PPME1: variants seen among roughly 807,000 people sequenced by gnomAD.
The protein encoded by PPME1 is testicular secretory protein Li 39.
Under a neutral mutation model 56.9 loss-of-function variants are expected in PPME1, and 17 were observed. The observed-to-expected ratio is 0.30, with a 90% CI of 0.20 to 0.45. The LOEUF is 0.45. Ranked by LOEUF, PPME1 falls within the 20% of genes least tolerant of loss-of-function variation. The pLI, the probability that PPME1 is intolerant of heterozygous loss-of-function variation, is 1.00. For missense variants in PPME1, 357 were observed against 483.2 expected (o/e 0.74, Z 2.45); for synonymous variants, 122 against 156.2 (o/e 0.78, Z 1.63).
chr11:74,201,220 C>T (rs1858155826), intron 1 of PPME1, among the ~76,000 whole-genome samples: 1 of 152,124 alleles, frequency 6.6e-6, no homozygotes, highest in Non-Finnish European at 1.5e-5. Context: ...CGTGATCTGC[C>T]CGCCTCGGCC....
intron 1 of PPME1, among the ~76,000 whole-genome samples, chr11:74,192,584 G>A (rs1198410201): frequency 2.0e-5 from 3 of 152,164 alleles, no homozygotes; most frequent in Non-Finnish European, 4.4e-5. Context: ...ATCTCGTGTT[G>A]AAATGTAATC....
chr11:74,192,683 G>A (rs542883884), intron 1 of PPME1, among the ~76,000 whole-genome samples: 3 of 152,124 alleles, frequency 2.0e-5, no homozygotes, highest in African/African-American at 7.2e-5. Flanking sequence ...CCTTGGTAAT[G>A]AGTGAGTTCT....
chr11:74,253,451 T>G lies in PPME1; in HGVS notation c.1143-41T>G, dbSNP rs372580334. The G allele has an allele frequency of 7.6e-6, 12 of 1,581,946 alleles. No homozygotes were observed. In the East Asian group the frequency reaches 2.7e-4, roughly 35 times the overall value. ...CAGATAAGCAAGGGAAAGCTATTGATAGTTACATTTGTTTTTCCTTCTCTT... is the reference window on the plus strand; with the variant it reads ...CAGATAAGCAAGGGAAAGCTATTGAGAGTTACATTTGTTTTTCCTTCTCTT... On this transcript the variant is annotated intron_variant, in intron 13 of 13. Coordinates refer to ENST00000328257, the MANE Select transcript of PPME1 (RefSeq NM_016147.3).
At chr11:74,212,200 A>C (rs984220269) in intron 3 of PPME1, among the ~76,000 whole-genome samples, 3 of 152,134 alleles carry the variant, frequency 2.0e-5, no homozygotes, top group Non-Finnish European at 4.4e-5. Flanking sequence ...TGTGGGAGGG[A>C]GAGCACAGTG....
intron 3 of PPME1, among the ~76,000 whole-genome samples, chr11:74,209,733 G>A (rs1858424406): frequency 6.6e-6 from 1 of 152,134 alleles, no homozygotes; most frequent in African/African-American, 2.4e-5. Context: ...ACATCTTATG[G>A]AGTATTAATT....
At chr11:74,176,338 G>C (rs1857399341) in intron 1 of PPME1, among the ~76,000 whole-genome samples, 1 of 151,972 alleles carries the variant, frequency 6.6e-6, no homozygotes. Context: ...GCTTTAATGA[G>C]CTATTCACAC....
chr11:74,202,620 C>T (rs1215944442), intron 1 of PPME1, among the ~76,000 whole-genome samples: 1 of 152,142 alleles, frequency 6.6e-6, no homozygotes, highest in Non-Finnish European at 1.5e-5. Flanking sequence ...TCCTCCATTA[C>T]TAGGAAGAAG....
chr11:74,203,625 C>T (rs1031747345), intron 1 of PPME1, 103 bp from the exon 2 acceptor site: 2 of 723,922 alleles, frequency 2.8e-6, no homozygotes, highest in Non-Finnish European at 4.5e-6. Context: ...GAGAAAATAC[C>T]TTTGCTGTTT....
intron 3 of PPME1, among the ~76,000 whole-genome samples, chr11:74,207,258 C>A (rs974329711): frequency 6.6e-6 from 1 of 152,204 alleles, no homozygotes; most frequent in Non-Finnish European, 1.5e-5. Flanking sequence ...CAAGTTCCTT[C>A]TTGTCCATAA....
chr11:74,191,216 A>G (rs1192597375), intron 1 of PPME1, among the ~76,000 whole-genome samples: 1 of 152,222 alleles, frequency 6.6e-6, no homozygotes, highest in Admixed American at 6.5e-5. Flanking sequence ...GGTATATGCC[A>G]GTAGTCCCAG....
intron 4 of PPME1, among the ~76,000 whole-genome samples, chr11:74,223,889 A>G (rs1371213694): frequency 1.3e-5 from 2 of 149,362 alleles, no homozygotes; most frequent in African/African-American, 4.9e-5. Context: ...CCCATTTTGT[A>G]GGTTGCCTGT....
intron 1 of PPME1, among the ~76,000 whole-genome samples, chr11:74,194,269 C>T (rs998203510): frequency 6.6e-6 from 1 of 152,006 alleles, no homozygotes; most frequent in African/African-American, 2.4e-5. Flanking sequence ...TTTCACTGAG[C>T]TTATGATTCT....
intron 1 of PPME1, among the ~76,000 whole-genome samples, chr11:74,192,248 T>A (rs1421786381): frequency 6.6e-6 from 1 of 152,226 alleles, no homozygotes; most frequent in South Asian, 2.1e-4. Flanking sequence ...CAGACTTTCA[T>A]AGGGCTTGTA....
chr11:74,229,543 G>A (rs149894523), intron 5 of PPME1, among the ~76,000 whole-genome samples: 3 of 152,186 alleles, frequency 2.0e-5, no homozygotes, highest in South Asian at 4.2e-4. Flanking sequence ...AATAAAATGA[G>A]CTCTGAACAC....
intron 5 of PPME1, among the ~76,000 whole-genome samples, chr11:74,229,614 AT>A (rs1175038955): frequency 6.6e-6 from 1 of 152,214 alleles, no homozygotes; most frequent in Non-Finnish European, 1.5e-5. Flanking sequence ...CAAATGAGAA[AT>A]TGTAAATAAT....
At chr11:74,206,411 A>G (rs1858327707) in intron 3 of PPME1, among the ~76,000 whole-genome samples, 1 of 152,188 alleles carries the variant, frequency 6.6e-6, no homozygotes, top group Non-Finnish European at 1.5e-5. Flanking sequence ...TCACTTCTGG[A>G]TCTGACAAGT....
rs766228617 is a variant in PPME1, at chr11:74,225,165, T to G, written c.347-40T>G. ...AGAATACTTCTGCTTTTATAATTCC[T>G]GTCTGTGGGAATTTTATTTTTAAAA... On this transcript the variant is annotated intron_variant, in intron 4 of 13. Coordinates refer to ENST00000328257, the MANE Select transcript of PPME1 (RefSeq NM_016147.3). The G allele has an allele frequency of 1.6e-5, 22 of 1,336,720 alleles. No homozygotes were observed. In the South Asian group the frequency reaches 2.8e-4, roughly 17 times the overall value. The allele number at this position is 1,336,720 out of a possible 1,614,324, so 82.8% of individuals were successfully genotyped here. A position where few individuals can be genotyped will look rare whatever the true frequency, so the allele number is the denominator to read the frequency against.
chr11:74,219,919 T>A (rs1858753298), intron 3 of PPME1, among the ~76,000 whole-genome samples: 1 of 152,140 alleles, frequency 6.6e-6, no homozygotes, highest in Non-Finnish European at 1.5e-5. Flanking sequence ...TTAGATTGTT[T>A]TCAACACGAA....
chr11:74,230,105 A>G lies in PPME1; in HGVS notation c.399-140A>G. On this transcript the variant is annotated intron_variant, in intron 5 of 13. Coordinates refer to ENST00000328257, the MANE Select transcript of PPME1 (RefSeq NM_016147.3). This position sits in a 1 kb window ranked among gnomAD's most constrained non-coding sequence, Gnocchi z 4.9. ...TGGGGACATGTTAGAAGGTTTACAT[A>G]GGTATGTTTGTAAGATGGCCCAATA... The G allele has an allele frequency of 2.4e-6, 2 of 834,934 alleles. No homozygotes were observed. The highest frequency in any genetic ancestry group is 1.8e-6 in the Non-Finnish European group (1 of 542,124). 51.7% of individuals were successfully genotyped at this position (834,934 alleles called of 1,614,324 possible).
Sources: allele counts gnomAD v4.1 joint callset (sites outside exome capture counted in the v4.1 genomes callset), GRCh38; gene constraint gnomAD v4.1.1; non-coding constraint Gnocchi (gnomAD v3.1); transcripts MANE v1.5; gene names NCBI Gene and HGNC (gene_info 2026-07-23, HGNC 2026-07-21).